Variants in GRAMD4 observed in about 807,000 individuals in gnomAD.
The protein encoded by GRAMD4 is GRAM domain containing 4.
A neutral mutation model predicts 83.9 loss-of-function variants in GRAMD4; 25 were observed. The ratio of observed to expected loss-of-function variants is 0.30; its 90% CI spans 0.22 to 0.42. The LOEUF (loss-of-function observed/expected upper bound fraction) is 0.42, where lower values mean the gene tolerates loss of function less well. Ranked by LOEUF, GRAMD4 falls within the 10% of genes least tolerant of loss-of-function variation. The pLI is 1.00. For missense variants in GRAMD4, 593 were observed against 788.7 expected, an observed-to-expected ratio of 0.75 and a Z score of 2.97; for synonymous variants, 336 against 320.9, an observed-to-expected ratio of 1.05 and a Z score of -0.50.
rs2081912661 is a variant in GRAMD4, at chr22:46,637,782, G to GGT, written c.163-56_163-55dup. On this transcript the variant is annotated intron_variant, in intron 2 of 18. Coordinates refer to ENST00000406902, the MANE Select transcript of GRAMD4 (RefSeq NM_015124.5). ...CTGGGCACCTCTGGGGGAACTGAGT[G>GGT]GTGCAGACCCAGGGTGCCACAGGTG... is the stretch of plus-strand genomic sequence containing the variant. 7.5e-6 allele frequency: 12 copies of GGT among 1,595,008 alleles called. No homozygotes were observed. In the South Asian group the frequency reaches 1.3e-4, roughly 18 times the overall value.
intron 6 of GRAMD4, 144 bp from the exon 7 acceptor site, chr22:46,663,694 A>T: frequency 1.3e-6 from 1 of 772,396 alleles, no homozygotes; most frequent in Non-Finnish European, 2.2e-6. Flanking sequence ...GCCGCCGTGC[A>T]TGGCCATTCT....
chr22:46,648,831 G>C (rs1044572809), intron 3 of GRAMD4, among the ~76,000 whole-genome samples: 16 of 133,762 alleles, frequency 1.2e-4, no homozygotes, highest in South Asian at 7.2e-4. Flanking sequence ...TGGATGGATG[G>C]ATGGATGGAT....
At position 46,678,558 on chromosome 22, in the gene GRAMD4, G is replaced by T; in HGVS notation, c.*1307G>T. The T allele has an allele frequency of 1.0e-6, 1 of 985,444 alleles. No individual in the cohort carries two copies. Among genetic ancestry groups the T allele is most frequent in the Non-Finnish European group, 1.2e-6 (1 of 829,938 alleles). The allele number at this position is 985,444 out of a possible 1,614,324, so 61.0% of individuals were successfully genotyped here. ...CTGGAAGGAGGTGGCCACCCCGCGG[G>T]CCTGCGTGTCTGCTGGGGCGGATCC... On this transcript the variant is annotated 3_prime_UTR_variant, in exon 19 of 19. Coordinates refer to ENST00000406902, the MANE Select transcript of GRAMD4 (RefSeq NM_015124.5).
intron 13 of GRAMD4, among the ~76,000 whole-genome samples, chr22:46,669,579 CT>C (rs748596128): frequency 0.025 from 3,576 of 141,776 alleles, 111 homozygotes; most frequent in African/African-American, 0.08. Flanking sequence ...CTCTCTCTCT[CT>C]TTTTTTTTTT....
intron 3 of GRAMD4, among the ~76,000 whole-genome samples, chr22:46,657,739 G>A (rs2082265219): frequency 6.6e-6 from 1 of 152,238 alleles, no homozygotes; most frequent in Non-Finnish European, 1.5e-5. Flanking sequence ...CTGGCCCAGG[G>A]CCTTTGCTCT....
At chr22:46,605,773 AG>A (rs1287645335) in intron 1 of GRAMD4, among the ~76,000 whole-genome samples, 12 of 145,938 alleles carry the variant, frequency 8.2e-5, no homozygotes, top group African/African-American at 2.8e-4. Flanking sequence ...GCCGGTGCTG[AG>A]CATCTCTGCA....
chr22:46,636,715 G>A (rs1221326210), intron 2 of GRAMD4, among the ~76,000 whole-genome samples: 4 of 152,366 alleles, frequency 2.6e-5, no homozygotes, highest in African/African-American at 4.8e-5. Flanking sequence ...CTGGCAGGAT[G>A]CAACGTGGAG....
chr22:46,648,336 G>A (rs1328841023), intron 3 of GRAMD4, among the ~76,000 whole-genome samples: 8 of 151,532 alleles, frequency 5.3e-5, no homozygotes, highest in South Asian at 2.1e-4. Flanking sequence ...ATGGATGGAT[G>A]GATGGATGGA....
At chr22:46,669,885 G>C (rs935287049) in intron 13 of GRAMD4, among the ~76,000 whole-genome samples, 1 of 152,178 alleles carries the variant, frequency 6.6e-6, no homozygotes, top group Non-Finnish European at 1.5e-5. Context: ...GGTCTCTTCT[G>C]TTTTGTTTTG....
chr22:46,606,710 G>A (rs138644207), intron 1 of GRAMD4, among the ~76,000 whole-genome samples: 21 of 152,302 alleles, frequency 1.4e-4, no homozygotes, highest in African/African-American at 5.1e-4. Context: ...TTGGTGCTGA[G>A]CATCTCTTCA....
In GRAMD4 at chr22:46,653,850, GAGGCCTGCCGGGAGCAA is replaced by G. The variant is rs2082202901; in HGVS notation, c.284-4336_284-4320del. Among the ~76,000 whole-genome samples the G allele has an allele frequency of 5.3e-5, 8 of 152,322 alleles. No homozygotes were observed. The South Asian group carries it at 1.7e-3, about 32-fold the overall frequency. Reference sequence around the variant, plus strand: ...TCCCGCCTTGGCCTACTCCGCCCAAGAGGCCTGCCGGGAGCAAGCCTGCCCAGTGTGACTTGTCTCAC... The same window carrying G: ...TCCCGCCTTGGCCTACTCCGCCCAAGGCCTGCCCAGTGTGACTTGTCTCAC... On this transcript the variant is annotated intron_variant, in intron 3 of 18. Coordinates refer to ENST00000406902, the MANE Select transcript of GRAMD4 (RefSeq NM_015124.5).
In GRAMD4 at chr22:46,678,393, C is replaced by T. The variant is rs1254434048; in HGVS notation, c.*1142C>T. Reference sequence around the variant, plus strand: ...TAGCCGGTGCCGGTCCGGGCACAGACCCCCCCAGCCCCCGCCCTGCCCCAG... The same window carrying T: ...TAGCCGGTGCCGGTCCGGGCACAGATCCCCCCAGCCCCCGCCCTGCCCCAG... On this transcript the variant is annotated 3_prime_UTR_variant, in exon 19 of 19. Transcript: ENST00000406902. 6 of 975,474 alleles carry T rather than the reference C, an allele frequency of 6.2e-6. No homozygotes were observed. The South Asian group carries it at 1.4e-4, about 23-fold the overall frequency. The allele number at this position is 975,474 out of a possible 1,614,324, so 60.4% of individuals were successfully genotyped here.
At chr22:46,662,198 G>T (rs1162749006) in intron 5 of GRAMD4, among the ~76,000 whole-genome samples, 1 of 152,216 alleles carries the variant, frequency 6.6e-6, no homozygotes, top group Non-Finnish European at 1.5e-5. Flanking sequence ...GCAGGAGCCT[G>T]CCCTGGCCCC....
chr22:46,648,899 CATGGATGGATGGATGGATGGATGGATGG>C (rs1188010701), intron 3 of GRAMD4, among the ~76,000 whole-genome samples: 2 of 13,808 alleles, frequency 1.4e-4, no homozygotes, highest in African/African-American at 2.7e-4. Context: ...TGGATGGATG[CATGGATGGATGGATGGATGGATGGATGG>C]ATGGATGCAT....
At chr22:46,665,540 G>A in intron 8 of GRAMD4, 75 bp from the exon 9 acceptor site, 1 of 791,988 alleles carries the variant, frequency 1.3e-6, no homozygotes. Flanking sequence ...CCGCCTGGTG[G>A]GGGGAGGCGG....
intron 3 of GRAMD4, among the ~76,000 whole-genome samples, chr22:46,643,114 T>TCCAA (rs1327923144): frequency 5.3e-5 from 8 of 151,590 alleles, no homozygotes; most frequent in Non-Finnish European, 1.2e-4. Flanking sequence ...CATCCATCCA[T>TCCAA]CCATCCATGC....
At chr22:46,641,532 C>G (rs2081975594) in intron 3 of GRAMD4, among the ~76,000 whole-genome samples, 1 of 152,182 alleles carries the variant, frequency 6.6e-6, no homozygotes, top group South Asian at 2.1e-4. Flanking sequence ...CCGGTCTTGA[C>G]CCTGCGGGTT....
intron 8 of GRAMD4, among the ~76,000 whole-genome samples, 174 bp downstream of exon 8, chr22:46,664,291 A>G (rs2082375390): frequency 6.6e-6 from 1 of 152,222 alleles, no homozygotes; most frequent in African/African-American, 2.4e-5. Context: ...GCCAGTGCCC[A>G]GCCATGGGGT....
Position 46,649,747 on chromosome 22 carries a change from A to G in GRAMD4, c.284-8440A>G, listed in dbSNP as rs551382627. On this transcript the variant is annotated intron_variant, in intron 3 of 18. Transcript: ENST00000406902. Reference sequence around the variant, plus strand: ...TGCACATAGCGGTAAATGACACCGCAATAAATAAATGTTAGGGAGAAAATG... The same window carrying G: ...TGCACATAGCGGTAAATGACACCGCGATAAATAAATGTTAGGGAGAAAATG... 2.0e-5 allele frequency among the ~76,000 whole-genome samples: 3 copies of G among 152,386 alleles called. No homozygotes were observed. In the East Asian group the frequency reaches 5.8e-4, roughly 29 times the overall value.
Sources: gnomAD v4.1 joint callset for allele counts (sites outside exome capture counted in the v4.1 genomes callset) on GRCh38, gnomAD v4.1.1 for gene constraint, MANE v1.5 for transcripts, NCBI Gene and HGNC (gene_info 2026-07-23, HGNC 2026-07-21) for gene names.